Variants in SPON1 observed in about 807,000 individuals in gnomAD.
The protein encoded by SPON1 is spondin 1.
In SPON1, 52 loss-of-function variants were observed where a neutral mutation model predicts 111.7. The observed-to-expected ratio is 0.47, with a 90% CI of 0.37 to 0.59. SPON1 has a LOEUF of 0.59. SPON1 is among the 20% of genes least tolerant of loss of function. The probability of loss-of-function intolerance (pLI) is 0.00; values close to 1 mark genes in which losing one functional copy is unlikely to be tolerated. For missense variants in SPON1, 957 were observed against 1,068.5 expected, an observed-to-expected ratio of 0.90 and a Z score of 1.46; for synonymous variants, 410 against 395.8, an observed-to-expected ratio of 1.04 and a Z score of -0.43.
chr11:14,000,896 T>C (rs1554912367), intron 2 of SPON1, among the ~76,000 whole-genome samples: 1 of 152,188 alleles, frequency 6.6e-6, no homozygotes. Context: ...TAATTTAAAC[T>C]TGCTGAGTTT....
chr11:14,057,846 A>AAAAAAAAAAAC (rs1554919410), intron 3 of SPON1, among the ~76,000 whole-genome samples: 3 of 149,416 alleles, frequency 2.0e-5, no homozygotes, highest in East Asian at 1.9e-4. Context: ...AAAAAAAACA[A>AAAAAAAAAAAC]AACAAAAACT....
chr11:14,069,089 A>T lies in SPON1; in HGVS notation c.480-6256A>T, dbSNP rs566158306. ...ATATCTCAATAAAAATTTTAAAAAT[A>T]AAAATATTTCTTTCTAATCCCCCTG... On this transcript the variant is annotated intron_variant, in intron 3 of 15. Transcript: ENST00000576479. Among the ~76,000 whole-genome samples the T allele has an allele frequency of 3.3e-5, 5 of 152,296 alleles. No homozygotes were observed. In the South Asian group the frequency reaches 1.0e-3, roughly 32 times the overall value.
At position 14,265,630 on chromosome 11, in the gene SPON1, G is replaced by GTT; in HGVS notation, c.2369_2370dup (p.Thr791LeufsTer43). On this transcript the variant is annotated frameshift_variant, in exon 16 of 16. Transcript: ENST00000576479. LOFTEE classifies it high-confidence loss of function. Reference sequence around the variant, plus strand: ...TAAAGAAGAGATTCAAAAGCTCCCAGTTTACCAGCTGCAAAGACAAGAAGG... The same window carrying GTT: ...TAAAGAAGAGATTCAAAAGCTCCCAGTTTTTACCAGCTGCAAAGACAAGAAGG... The GTT allele has an allele frequency of 1.2e-6, 2 of 1,613,738 alleles. No homozygotes were observed. Among genetic ancestry groups the GTT allele is most frequent in the Non-Finnish European group, 1.7e-6 (2 of 1,179,824 alleles).
chr11:14,006,583 TGGTGGACC>T (rs1363885588), intron 2 of SPON1, among the ~76,000 whole-genome samples: 1 of 152,190 alleles, frequency 6.6e-6, no homozygotes, highest in Non-Finnish European at 1.5e-5. Flanking sequence ...TGGTCGCACG[TGGTGGACC>T]GGTGGTCCAT....
In SPON1 at chr11:14,004,829, C is replaced by T. The variant is rs181979374; in HGVS notation, c.345+21876C>T. Among the ~76,000 whole-genome samples the T allele has an allele frequency of 4.5e-3, 677 of 151,962 alleles. 7 individuals carry two copies. Among genetic ancestry groups the T allele is most frequent in the African/African-American group, 0.015 (640 of 41,420 alleles). ...CTTTCTTTCTTTTTTCTGTGTGAGA[C>T]AGGGTCTCACTCTGTCACCCAGGCT... On this transcript the variant is annotated intron_variant, in intron 2 of 15. Transcript: ENST00000576479.
chr11:14,168,746 G>GCA (rs1848063246), intron 6 of SPON1, among the ~76,000 whole-genome samples: 1 of 150,028 alleles, frequency 6.7e-6, no homozygotes, highest in Non-Finnish European at 1.5e-5. Context: ...GTGAGAACAT[G>GCA]TGGTGTTTGG....
At chr11:14,244,423 C>A (rs1174715936) in intron 7 of SPON1, among the ~76,000 whole-genome samples, 1 of 151,302 alleles carries the variant, frequency 6.6e-6, no homozygotes, top group East Asian at 1.9e-4. Flanking sequence ...GAGGCTGAGG[C>A]AGGAGAATCA....
chr11:14,092,105 G>C (rs1389016190), intron 5 of SPON1, among the ~76,000 whole-genome samples: 2 of 152,236 alleles, frequency 1.3e-5, no homozygotes, highest in African/African-American at 4.8e-5. Flanking sequence ...GTGAGCTGCA[G>C]ACCAGAGCTG....
In SPON1 at chr11:14,223,048, T is replaced by A. The variant is rs554307920; in HGVS notation, c.826-20284T>A. On this transcript the variant is annotated intron_variant, in intron 6 of 15. Transcript: ENST00000576479. ...CAGAAGTAAGGTTGTCTCCATTTTTTAAAAAGCTCTGGCATATTAAAAAGT... is the reference window on the plus strand; with the variant it reads ...CAGAAGTAAGGTTGTCTCCATTTTTAAAAAAGCTCTGGCATATTAAAAAGT... 3.0e-4 allele frequency among the ~76,000 whole-genome samples: 46 copies of A among 152,266 alleles called. No homozygotes were observed. The South Asian group carries it at 8.9e-3, about 29-fold the overall frequency.
intron 2 of SPON1, among the ~76,000 whole-genome samples, chr11:14,012,981 G>A (rs1205209883): frequency 1.3e-5 from 2 of 152,044 alleles, no homozygotes; most frequent in African/African-American, 2.4e-5. Flanking sequence ...TACACAAAAC[G>A]GTCCCTGATG....
chr11:14,107,401 G>A (rs1554925030), intron 5 of SPON1, among the ~76,000 whole-genome samples: 1 of 152,032 alleles, frequency 6.6e-6, no homozygotes, highest in African/African-American at 2.4e-5. Flanking sequence ...CATCTGTCCG[G>A]CTGTCCGTAC....
intron 5 of SPON1, among the ~76,000 whole-genome samples, chr11:14,084,392 T>A (rs1461728937): frequency 6.6e-6 from 1 of 152,214 alleles, no homozygotes; most frequent in African/African-American, 2.4e-5. Flanking sequence ...AGTGAGAACA[T>A]GCTGTGTTTG....
chr11:14,266,150 T>C lies in SPON1; in HGVS notation c.*463T>C, dbSNP rs1849265126. 6.5e-6 allele frequency: 1 copy of C among 153,686 alleles called. No individual in the cohort carries two copies. Among genetic ancestry groups the C allele is most frequent in the African/African-American group, 2.4e-5 (1 of 41,452 alleles). The allele number at this position is 153,686 out of a possible 1,614,324, so 9.5% of individuals were successfully genotyped here. A position where few individuals can be genotyped will look rare whatever the true frequency, so the allele number is the denominator to read the frequency against. On this transcript the variant is annotated 3_prime_UTR_variant, in exon 16 of 16. Coordinates refer to ENST00000576479, the MANE Select transcript of SPON1 (RefSeq NM_006108.4). ...CCATTGTTTGCCCATCTCTTCTTAG[T>C]GGAACTTTAGGTCTCTTTTCAAGTC... is the stretch of plus-strand genomic sequence containing the variant.
At chr11:14,098,313 G>A (rs1488416621) in intron 5 of SPON1, among the ~76,000 whole-genome samples, 6 of 152,128 alleles carry the variant, frequency 3.9e-5, no homozygotes, top group Non-Finnish European at 8.8e-5. Context: ...CCATTTCAGC[G>A]CTTATTGATA....
At chr11:14,160,758 ATATT>A (rs1355271141) in intron 6 of SPON1, among the ~76,000 whole-genome samples, 2 of 45,484 alleles carry the variant, frequency 4.4e-5, no homozygotes, top group East Asian at 1.9e-3. Context: ...ATATTTATAT[ATATT>A]TATATATTTA....
At chr11:14,132,461 G>A (rs1420869299) in intron 5 of SPON1, among the ~76,000 whole-genome samples, 1 of 152,106 alleles carries the variant, frequency 6.6e-6, no homozygotes, top group Non-Finnish European at 1.5e-5. Flanking sequence ...TTGATTCCTT[G>A]GATCTGGGGA....
rs1431295532 is a variant in SPON1 at position 14,259,577 on chromosome 11, G to A, written c.1707G>A (p.Glu569=). The A allele has an allele frequency of 6.4e-7, 1 of 1,552,850 alleles. No homozygotes were observed. Among genetic ancestry groups the A allele is most frequent in the Non-Finnish European group, 8.7e-7 (1 of 1,148,470 alleles). The part of the protein sequence containing the change: ...CLMTEWGEWD[E]CSATCGMGMK... Reference sequence around the variant, plus strand: ...TGACCGAGTGGGGCGAGTGGGACGAGTGCAGCGCCACCTGCGGCATGGGCA... The same window carrying A: ...TGACCGAGTGGGGCGAGTGGGACGAATGCAGCGCCACCTGCGGCATGGGCA... The change falls in exon 13 of 16, where the codon GAG becomes GAA. Residue 569 remains glutamate (E), a synonymous_variant. Transcript: ENST00000576479. The surrounding 1 kb of genome is among the most constrained non-coding windows in gnomAD (Gnocchi z 5.0).
intron 3 of SPON1, among the ~76,000 whole-genome samples, chr11:14,042,726 CTG>C (rs1185472132): frequency 6.6e-6 from 1 of 152,160 alleles, no homozygotes; most frequent in African/African-American, 2.4e-5. Context: ...GACTTAACAA[CTG>C]TGGTTAACTC....
At chr11:14,024,988 G>A (rs1040463455) in intron 2 of SPON1, among the ~76,000 whole-genome samples, 8 of 152,202 alleles carry the variant, frequency 5.3e-5, no homozygotes, top group African/African-American at 1.9e-4. Context: ...GATCTCTAGA[G>A]AGAAAAAGTG....
Sources: allele counts gnomAD v4.1 joint callset (sites outside exome capture counted in the v4.1 genomes callset), GRCh38; gene constraint gnomAD v4.1.1; non-coding constraint Gnocchi (gnomAD v3.1); transcripts MANE v1.5; gene names NCBI Gene and HGNC (gene_info 2026-07-23, HGNC 2026-07-21).